The following NBPF9 variants were observed in gnomAD, a reference collection of about 807,000 sequenced individuals.
NBPF9 encodes the protein NBPF member 9, also known as NBPF family member NBPF9.
A neutral mutation model predicts 97.8 loss-of-function variants in NBPF9; 91 were observed. The ratio of observed to expected loss-of-function variants is 0.93; its 90% CI spans 0.79 to 1.11. NBPF9 has a LOEUF of 1.11. Ranked by LOEUF, NBPF9 falls within the 50% of genes least tolerant of loss-of-function variation. The pLI is 0.00. For synonymous variants in NBPF9, 334 were observed against 359.5 expected (o/e 0.93, Z 0.80); for missense variants, 992 against 939.5 (o/e 1.06, Z -0.73).
intron 18 of NBPF9, chr1:149,064,918 C>T (rs2078933920): frequency 3.8e-6 from 2 of 526,298 alleles, no homozygotes; most frequent in South Asian, 2.2e-5. Flanking sequence ...CAAAATGTAA[C>T]TTGGTTCTAC....
intron 3 of NBPF9, among the ~76,000 whole-genome samples, chr1:149,100,489 C>CCAGAAA (rs1193645528): frequency 6.8e-6 from 1 of 146,680 alleles, no homozygotes; most frequent in African/African-American, 2.5e-5. Context: ...CCAGGTTGGT[C>CCAGAAA]CAGAAACAGA....
At chr1:149,053,873 G>A (rs1482769203), downstream of NBPF9, among the ~76,000 whole-genome samples, 1 of 145,570 alleles carries the variant, frequency 6.9e-6, no homozygotes, top group Non-Finnish European at 1.5e-5. Flanking sequence ...CTTCCTAAAT[G>A]CCAAAGGCAC....
intron 16 of NBPF9, 145 bp from the exon 17 acceptor site, chr1:149,069,790 A>G: frequency 3.4e-6 from 2 of 596,518 alleles, no homozygotes; most frequent in South Asian, 2.0e-5. Flanking sequence ...GGTGTCCTAG[A>G]TTAACTTTGG....
At chr1:149,053,829 T>C (rs2078041371), downstream of NBPF9, among the ~76,000 whole-genome samples, 13 of 147,474 alleles carry the variant, frequency 8.8e-5, no homozygotes, top group South Asian at 2.6e-3. Flanking sequence ...TCAAAAACAT[T>C]TTTAGTGCAA....
At chr1:149,064,359 T>C in intron 19 of NBPF9, 72 bp downstream of exon 19, 1 of 793,718 alleles carries the variant, frequency 1.3e-6, no homozygotes. Flanking sequence ...TTTCAGCATG[T>C]ACTGTTTTCC....
intron 19 of NBPF9, among the ~76,000 whole-genome samples, chr1:149,064,091 C>T (rs1266834977): frequency 3.0e-5 from 4 of 134,658 alleles, no homozygotes; most frequent in Non-Finnish European, 3.2e-5. Context: ...AGTCAAAGGA[C>T]ACTCTGTATT....
intron 5 of NBPF9, among the ~76,000 whole-genome samples, chr1:149,085,298 T>C (rs587608211): frequency 6.6e-6 from 1 of 152,136 alleles, no homozygotes; most frequent in African/African-American, 2.4e-5. Flanking sequence ...ATTGTTTGAG[T>C]CTGTATTCTT....
At chr1:149,054,600 A>T (rs2078090537) in exon 30 of NBPF9, 6 of 148,016 alleles carry the variant, frequency 4.1e-5, no homozygotes, top group African/African-American at 1.5e-4. Context: ...AATCATGAAG[A>T]CATTTTCAGA....
chr1:149,088,587 C>T (rs2081197859), intron 5 of NBPF9, among the ~76,000 whole-genome samples: 1 of 152,094 alleles, frequency 6.6e-6, no homozygotes, highest in Admixed American at 6.5e-5. Flanking sequence ...TCTCATCATG[C>T]TGAGCATTTT....
intron 27 of NBPF9, 58 bp downstream of exon 27, chr1:149,058,106 T>A (rs1209527607): frequency 4.8e-5 from 26 of 542,814 alleles, no homozygotes; most frequent in Non-Finnish European, 7.6e-5. Flanking sequence ...CTGTTTTCCC[T>A]GAACCAGGAG....
intron 12 of NBPF9, among the ~76,000 whole-genome samples, chr1:149,074,703 G>T (rs1160686187): frequency 6.6e-6 from 1 of 151,458 alleles, no homozygotes; most frequent in South Asian, 2.1e-4. Context: ...ACATTCTCGG[G>T]TGCGAACTTT....
exon 30 of NBPF9, chr1:149,055,506 A>G (rs1259003608): frequency 5.2e-6 from 8 of 1,527,456 alleles, no homozygotes; most frequent in African/African-American, 1.4e-5. Context: ...ACAGGTTGCC[A>G]CTGGCATGGT....
intron 20 of NBPF9, 49 bp from the exon 21 acceptor site, chr1:149,062,962 A>T: frequency 1.3e-6 from 1 of 754,958 alleles, no homozygotes; most frequent in South Asian, 1.4e-5. Context: ...GTTCTCCTAC[A>T]CACATAACAA....
intron 21 of NBPF9, among the ~76,000 whole-genome samples, chr1:149,062,606 C>T (rs2078698261): frequency 7.2e-6 from 1 of 138,684 alleles, no homozygotes; most frequent in Admixed American, 7.5e-5. Flanking sequence ...AATAATTTTC[C>T]ATAAACTTGC....
exon 18 of NBPF9, chr1:149,065,589 A>T: frequency 1.2e-6 from 2 of 1,609,580 alleles, no homozygotes; most frequent in Non-Finnish European, 1.7e-6. Context: ...CTGCTGTAAG[A>T]CTTGTACGAG....
At chr1:149,073,079 G>A in intron 13 of NBPF9, 147 bp from the exon 14 acceptor site, 1 of 652,400 alleles carries the variant, frequency 1.5e-6, no homozygotes, top group Non-Finnish European at 2.8e-6. Context: ...CTGTGGCCAA[G>A]AGAAAGAATA....
At chr1:149,067,591 G>A (rs1344842590) in intron 17 of NBPF9, among the ~76,000 whole-genome samples, 1 of 150,688 alleles carries the variant, frequency 6.6e-6, no homozygotes, top group Non-Finnish European at 1.5e-5. Flanking sequence ...ATAGTTTGCT[G>A]AGAATGATGG....
intron 4 of NBPF9, among the ~76,000 whole-genome samples, chr1:149,097,375 T>C (rs1205714456): frequency 1.3e-5 from 2 of 152,168 alleles, no homozygotes; most frequent in Non-Finnish European, 2.9e-5. Flanking sequence ...AAACACATTA[T>C]TCCTCTGGCC....
In NBPF9 at chr1:149,059,291, G is replaced by C. The variant is rs1366933829; in HGVS notation, c.2586-194C>G. 15 of 484,970 alleles carry C rather than the reference G, an allele frequency of 3.1e-5. 2 individuals are homozygous for C. The highest frequency in any genetic ancestry group is 1.4e-4 in the East Asian group (5 of 35,426). 30.0% of individuals were successfully genotyped at this position (484,970 alleles called of 1,614,324 possible). Reference sequence around the variant, plus strand: ...GAAAAGAATGAAAGAGAAAGACAGGGAGAGACAGAGACAGAGACAGAGAGA... The same window carrying C: ...GAAAAGAATGAAAGAGAAAGACAGGCAGAGACAGAGACAGAGACAGAGAGA... On this transcript the variant is annotated intron_variant, in intron 25 of 29. Coordinates refer to ENST00000584027, the Ensembl canonical transcript of NBPF9.
Sources: allele counts gnomAD v4.1 joint callset (sites outside exome capture counted in the v4.1 genomes callset), GRCh38; gene constraint gnomAD v4.1.1; transcripts MANE v1.5; gene names NCBI Gene and HGNC (gene_info 2026-07-23, HGNC 2026-07-21).